Variants in RBFOX1 observed in about 807,000 individuals in gnomAD.
RBFOX1 encodes RNA binding fox-1 homolog 1, also known as RNA binding protein fox-1 homolog 1.
A neutral mutation model predicts 57.7 loss-of-function variants in RBFOX1; 8 were observed. That is an observed-to-expected ratio of 0.14 (90% CI 0.08 to 0.25). The LOEUF (loss-of-function observed/expected upper bound fraction) is 0.25. Ranked by LOEUF, RBFOX1 falls within the 10% of genes least tolerant of loss-of-function variation. The pLI, the probability that RBFOX1 is intolerant of heterozygous loss-of-function variation, is 1.00. For synonymous variants in RBFOX1, 326 were observed against 222.4 expected, an observed-to-expected ratio of 1.47 and a Z score of -4.15; for missense variants, 611 against 548.5, an observed-to-expected ratio of 1.11 and a Z score of -1.14.
chr16:5,598,416 G>A (rs971628072), intron 2 of RBFOX1, among the ~76,000 whole-genome samples: 14 of 152,020 alleles, frequency 9.2e-5, no homozygotes, highest in African/African-American at 3.4e-4. Context: ...ATGCAATTTA[G>A]CATTTGCTGG....
At chr16:7,586,427 G>C (rs988625504) in intron 6 of RBFOX1, among the ~76,000 whole-genome samples, 118 of 152,258 alleles carry the variant, frequency 7.7e-4, no homozygotes, top group African/African-American at 2.7e-3. Context: ...GGGACTTCCA[G>C]ATTTCACAAA....
chr16:7,546,710 T>C (rs768610928), intron 5 of RBFOX1, among the ~76,000 whole-genome samples: 1 of 152,224 alleles, frequency 6.6e-6, no homozygotes, highest in South Asian at 2.1e-4. Context: ...GATTTTAACT[T>C]TTTGTTTTCT....
chr16:6,707,872 A>G (rs1187362969), intron 3 of RBFOX1, among the ~76,000 whole-genome samples: 3 of 152,222 alleles, frequency 2.0e-5, no homozygotes, highest in African/African-American at 7.2e-5. Flanking sequence ...TTAAGCTTGT[A>G]ACTCTTGGAT....
chr16:5,467,724 A>G (rs970881502), intron 2 of RBFOX1, among the ~76,000 whole-genome samples: 2 of 152,212 alleles, frequency 1.3e-5, no homozygotes. Flanking sequence ...TTTCAACTCT[A>G]CGTTATTATT....
At chr16:6,989,254 A>T (rs2090988270) in intron 3 of RBFOX1, among the ~76,000 whole-genome samples, 1 of 152,138 alleles carries the variant, frequency 6.6e-6, no homozygotes, top group South Asian at 2.1e-4. Flanking sequence ...TATTGCTTGC[A>T]TTATTTTTCT....
intron 4 of RBFOX1, among the ~76,000 whole-genome samples, chr16:7,500,885 A>T (rs928937819): frequency 4.6e-5 from 7 of 152,208 alleles, no homozygotes; most frequent in African/African-American, 1.7e-4. Flanking sequence ...TGATGGGGAC[A>T]GTTACCTCCA....
At chr16:6,991,164 A>G (rs2091377866) in intron 3 of RBFOX1, among the ~76,000 whole-genome samples, 2 of 137,722 alleles carry the variant, frequency 1.5e-5, no homozygotes, top group African/African-American at 5.3e-5. Flanking sequence ...AAAAAAAAAG[A>G]CACGGTGGCG....
chr16:5,417,770 G>T (rs1025216287), intron 1 of RBFOX1, among the ~76,000 whole-genome samples: 6 of 152,210 alleles, frequency 3.9e-5, no homozygotes, highest in Non-Finnish European at 7.4e-5. Flanking sequence ...ACAGACTATT[G>T]GGTGTCCCCC....
chr16:5,457,029 A>G (rs1384902059), intron 1 of RBFOX1, among the ~76,000 whole-genome samples: 5 of 152,198 alleles, frequency 3.3e-5, no homozygotes, highest in Non-Finnish European at 5.9e-5. Context: ...GAATTCCAAG[A>G]TTGAGGTGCC....
chr16:7,342,372 T>C (rs1353643706), intron 4 of RBFOX1, among the ~76,000 whole-genome samples: 1 of 152,176 alleles, frequency 6.6e-6, no homozygotes, highest in Non-Finnish European at 1.5e-5. Context: ...TCCTGTGTGA[T>C]GCGGGGCTTC....
chr16:7,358,038 C>G (rs966303563), intron 4 of RBFOX1, among the ~76,000 whole-genome samples: 5 of 152,188 alleles, frequency 3.3e-5, no homozygotes, highest in African/African-American at 4.8e-5. Context: ...GAGACCTGAG[C>G]TCGAACCAGC....
intron 4 of RBFOX1, among the ~76,000 whole-genome samples, chr16:5,965,540 A>T (rs1177138071): frequency 1.3e-5 from 2 of 152,212 alleles, no homozygotes; most frequent in African/African-American, 4.8e-5. Flanking sequence ...CACCTACAAA[A>T]GAACCAGGAA....
intron 5 of RBFOX1, among the ~76,000 whole-genome samples, chr16:7,570,902 A>G (rs1013481187): frequency 9.2e-5 from 14 of 152,204 alleles, no homozygotes; most frequent in African/African-American, 3.4e-4. Flanking sequence ...CTATGTAGCC[A>G]TGAAAGGGAA....
intron 2 of RBFOX1, among the ~76,000 whole-genome samples, chr16:6,598,224 T>A (rs1251489161): frequency 6.6e-6 from 1 of 152,258 alleles, no homozygotes; most frequent in Non-Finnish European, 1.5e-5. Flanking sequence ...AGACACTATA[T>A]AGTTTCTAAC....
intron 1 of RBFOX1, among the ~76,000 whole-genome samples, chr16:6,246,681 A>C (rs2097570781): frequency 6.6e-6 from 1 of 152,204 alleles, no homozygotes; most frequent in Non-Finnish European, 1.5e-5. Flanking sequence ...TATGGAGGCA[A>C]GTGTCAGACT....
intron 3 of RBFOX1, among the ~76,000 whole-genome samples, chr16:6,667,742 A>T (rs9927183): frequency 0.066 from 10,098 of 152,102 alleles, 347 homozygotes; most frequent in South Asian, 0.077. Flanking sequence ...ATAGCCACAT[A>T]GTTAGGCATG....
chr16:7,581,963 C>T (rs141439664), intron 6 of RBFOX1, among the ~76,000 whole-genome samples: 34 of 152,134 alleles, frequency 2.2e-4, no homozygotes, highest in Non-Finnish European at 3.1e-4. Flanking sequence ...GCAACCCTCC[C>T]GCCTTGGCCT....
chr16:7,065,643 T>C (rs988867362), intron 4 of RBFOX1, among the ~76,000 whole-genome samples: 13 of 152,212 alleles, frequency 8.5e-5, no homozygotes. Context: ...CATACTTACC[T>C]TATTTTTTAG....
intron 4 of RBFOX1, among the ~76,000 whole-genome samples, chr16:7,252,860 C>T (rs2094544136): frequency 6.6e-6 from 1 of 152,042 alleles, no homozygotes; most frequent in Non-Finnish European, 1.5e-5. Flanking sequence ...AGTGATCTTT[C>T]CCTAACTCAT....
Sources: gnomAD v4.1 joint callset for allele counts (sites outside exome capture counted in the v4.1 genomes callset) on GRCh38, gnomAD v4.1.1 for gene constraint, MANE v1.5 for transcripts, NCBI Gene and HGNC (gene_info 2026-07-23, HGNC 2026-07-21) for gene names.